RNF17: variants seen among roughly 807,000 people sequenced by gnomAD.
RNF17 encodes ring finger protein 17, also known as spermatogenesis associated 23.
In RNF17, 31 loss-of-function variants were observed where a neutral mutation model predicts 200.5. The observed-to-expected ratio is 0.15, with a 90% CI of 0.12 to 0.21. The LOEUF (loss-of-function observed/expected upper bound fraction) is 0.21, where lower values mean the gene tolerates loss of function less well. Ranked by LOEUF, RNF17 falls within the 10% of genes least tolerant of loss-of-function variation. The probability of loss-of-function intolerance (pLI) is 1.00; values close to 1 mark genes in which losing one functional copy is unlikely to be tolerated. For synonymous variants in RNF17, 606 were observed against 637.8 expected (o/e 0.95, Z 0.75); for missense variants, 1,628 against 1,905.1 (o/e 0.85, Z 2.71).
At chr13:24,888,306 T>C in the RNF17 span, among the ~76,000 whole-genome samples, 2 of 151,850 alleles carry the variant, frequency 1.3e-5, no homozygotes, top group South Asian at 4.2e-4. Flanking sequence ...GGAGAAAATA[T>C]TAGCAGTGCT....
chr13:24,821,234 T>A (rs1342179205), intron 15 of RNF17, among the ~76,000 whole-genome samples: 2 of 152,170 alleles, frequency 1.3e-5, no homozygotes, highest in East Asian at 3.8e-4. Flanking sequence ...TCATACTGAA[T>A]TAGGGCCCAT....
intron 25 of RNF17, among the ~76,000 whole-genome samples, chr13:24,855,056 C>T (rs774424036): frequency 1.7e-4 from 26 of 152,266 alleles, no homozygotes; most frequent in Middle Eastern, 3.4e-3. Flanking sequence ...ATCTTTCAAA[C>T]TTTATGTAAC....
At chr13:24,839,091 ATACT>A (rs1333806738) in intron 18 of RNF17, among the ~76,000 whole-genome samples, 2 of 152,184 alleles carry the variant, frequency 1.3e-5, no homozygotes, top group Non-Finnish European at 2.9e-5. Context: ...AAAAAATAAA[ATACT>A]TAGGAATATA....
chr13:24,872,505 G>T (rs369141793), intron 32 of RNF17, among the ~76,000 whole-genome samples: 1 of 150,748 alleles, frequency 6.6e-6, no homozygotes, highest in South Asian at 2.1e-4. Flanking sequence ...TTTTTCCACC[G>T]TTTAACTCAA....
At chr13:24,821,379 G>C (rs1486287974) in intron 15 of RNF17, among the ~76,000 whole-genome samples, 1 of 152,094 alleles carries the variant, frequency 6.6e-6, no homozygotes, top group East Asian at 1.9e-4. Context: ...TAGACTTCTT[G>C]GATTTGTAGG....
At chr13:24,766,950 A>T (rs946319084) in intron 1 of RNF17, among the ~76,000 whole-genome samples, 10 of 152,222 alleles carry the variant, frequency 6.6e-5, no homozygotes, top group African/African-American at 2.4e-4. Context: ...TAAGTCAACC[A>T]TTTCAAACTG....
chr13:24,842,453 G>T (rs569181840), intron 19 of RNF17, among the ~76,000 whole-genome samples: 2 of 152,320 alleles, frequency 1.3e-5, no homozygotes, highest in South Asian at 4.1e-4. Flanking sequence ...AGCCCCTTGT[G>T]CCTGATTGAG....
chr13:24,883,348 C>T, downstream of RNF17: 2 of 1,611,666 alleles, frequency 1.2e-6, no homozygotes, highest in South Asian at 1.1e-5. Context: ...CATTATTAAA[C>T]TCTATGAGTT....
chr13:24,874,214 T>C lies in RNF17; in HGVS notation c.4548T>C (p.Val1516=). The part of the protein sequence containing the change: ...FNPLSILVQF[V]DYGSTAKLTL... Reference sequence around the variant, plus strand: ...CTTTATCTATCTTAGTACAATTTGTTGATTATGGATCAACTGCAAAGCTGA... The same window carrying C: ...CTTTATCTATCTTAGTACAATTTGTCGATTATGGATCAACTGCAAAGCTGA... Residue 1516 remains valine (V), a synonymous_variant, in exon 33 of 36, where the codon GTT becomes GTC. Transcript: ENST00000255324. 6.2e-7 allele frequency: 1 copy of C among 1,607,492 alleles called. No homozygotes were observed. Among genetic ancestry groups the C allele is most frequent in the Non-Finnish European group, 8.5e-7 (1 of 1,177,632 alleles).
intron 16 of RNF17, among the ~76,000 whole-genome samples, chr13:24,827,701 C>CAAAAAAAAAAAAA (rs538402990): frequency 1.6e-4 from 2 of 12,234 alleles, no homozygotes; most frequent in Admixed American, 1.3e-3. Context: ...GACTCCGTCT[C>CAAAAAAAAAAAAA]AAAAAAAAAA....
At chr13:24,811,544 T>A (rs1346392870) in intron 15 of RNF17, among the ~76,000 whole-genome samples, 1 of 151,952 alleles carries the variant, frequency 6.6e-6, no homozygotes, top group African/African-American at 2.4e-5. Flanking sequence ...TACATTCTTC[T>A]AAATTTTTTT....
chr13:24,855,975 C>A (rs1382163378), intron 25 of RNF17, among the ~76,000 whole-genome samples: 1 of 151,666 alleles, frequency 6.6e-6, no homozygotes, highest in Non-Finnish European at 1.5e-5. Context: ...ATATCCTGAA[C>A]ACTTATCCCT....
intron 15 of RNF17, among the ~76,000 whole-genome samples, chr13:24,823,983 A>G (rs1345013884): frequency 6.6e-6 from 1 of 152,224 alleles, no homozygotes; most frequent in African/African-American, 2.4e-5. Context: ...ACATATACAC[A>G]GTAATTTGCA....
At chr13:24,747,890 G>C in the RNF17 span, among the ~76,000 whole-genome samples, 1 of 152,238 alleles carries the variant, frequency 6.6e-6, no homozygotes, top group East Asian at 1.9e-4. Context: ...TTCCTGGTAC[G>C]GACACCAAGG....
At chr13:24,869,746 G>A (rs1421174792) in intron 31 of RNF17, among the ~76,000 whole-genome samples, 3 of 152,022 alleles carry the variant, frequency 2.0e-5, no homozygotes, top group African/African-American at 7.3e-5. Flanking sequence ...GTCACACACT[G>A]TCACTGCAGT....
At chr13:24,879,330 G>C (rs763944554) in intron 35 of RNF17, 35 bp downstream of exon 35, 2 of 1,323,640 alleles carry the variant, frequency 1.5e-6, no homozygotes, top group African/African-American at 1.5e-5. Context: ...ATAAGGCATG[G>C]GACTAGTGGA....
chr13:24,845,229 A>T (rs1891129148), intron 22 of RNF17, 150 bp downstream of exon 22: 1 of 571,828 alleles, frequency 1.7e-6, no homozygotes. Flanking sequence ...TGGAGCACGT[A>T]AATTTAGTGG....
At chr13:24,804,121 G>C (rs537318327) in intron 14 of RNF17, among the ~76,000 whole-genome samples, 167 bp from the exon 15 acceptor site, 1 of 152,254 alleles carries the variant, frequency 6.6e-6, no homozygotes. Flanking sequence ...AATTAGCCAG[G>C]TGTGATGGCA....
chr13:24,766,767 CAAAT>C (rs938662661), intron 1 of RNF17, among the ~76,000 whole-genome samples: 1 of 152,170 alleles, frequency 6.6e-6, no homozygotes, highest in Non-Finnish European at 1.5e-5. Flanking sequence ...TTACAAATAA[CAAAT>C]AAAATGTGTC....
Sources: allele counts gnomAD v4.1 joint callset (sites outside exome capture counted in the v4.1 genomes callset), GRCh38; gene constraint gnomAD v4.1.1; transcripts MANE v1.5; gene names NCBI Gene and HGNC (gene_info 2026-07-23, HGNC 2026-07-21).